The following TBC1D13 variants were observed in gnomAD, a reference collection of about 807,000 sequenced individuals.
TBC1D13 encodes the protein TBC1 domain family member 13.
TBC1D13 carries 40 observed loss-of-function variants against 53.6 expected under a neutral mutation model. That is an observed-to-expected ratio of 0.75 (90% CI 0.58 to 0.97). The LOEUF (loss-of-function observed/expected upper bound fraction) is 0.97, where lower values mean the gene tolerates loss of function less well. Ranked by LOEUF, TBC1D13 falls within the 50% of genes least tolerant of loss-of-function variation. The probability of loss-of-function intolerance (pLI) is 0.00; values close to 1 mark genes in which losing one functional copy is unlikely to be tolerated. For synonymous variants in TBC1D13, 182 were observed against 197.7 expected (o/e 0.92, Z 0.67); for missense variants, 377 against 499.4 (o/e 0.75, Z 2.34).
chr9:128,789,051 G>A (rs1471464498), intron 2 of TBC1D13, among the ~76,000 whole-genome samples: 3 of 152,148 alleles, frequency 2.0e-5, no homozygotes, highest in Admixed American at 2.0e-4. Flanking sequence ...GCCGGGTGCC[G>A]TGGCTCATGC....
intron 2 of TBC1D13, 56 bp from the exon 3 acceptor site, chr9:128,790,679 G>A: frequency 6.6e-7 from 1 of 1,512,522 alleles, no homozygotes; most frequent in Non-Finnish European, 8.8e-7. Context: ...ACGGTGAAGG[G>A]CTGGGGGTTC....
In TBC1D13 at chr9:128,808,934, G is replaced by A. The variant is rs999249947; in HGVS notation, c.*1055G>A. The stretch of plus-strand genomic sequence containing the variant: ...AGAGGGGGAGCTGGTTTTTCTGGAG[G>A]TTCCCCCAGAGGCCCTCCTGTCCGA... On this transcript the variant is annotated 3_prime_UTR_variant, in exon 12 of 12. Coordinates refer to ENST00000372648, the MANE Select transcript of TBC1D13 (RefSeq NM_018201.5). 1.3e-5 allele frequency: 2 copies of A among 152,286 alleles called. No homozygotes were observed. Among genetic ancestry groups the A allele is most frequent in the African/African-American group, 2.4e-5 (1 of 41,444 alleles). The allele number at this position is 152,286 out of a possible 1,614,324, so 9.4% of individuals were successfully genotyped here.
intron 1 of TBC1D13, among the ~76,000 whole-genome samples, chr9:128,787,861 C>G (rs934863150): frequency 3.3e-5 from 5 of 152,220 alleles, no homozygotes; most frequent in African/African-American, 1.2e-4. Context: ...ACCCTTTGTC[C>G]TTGCCTTCTG....
chr9:128,805,779 C>T, intron 9 of TBC1D13, 80 bp from the exon 10 acceptor site: 1 of 1,487,032 alleles, frequency 6.7e-7, no homozygotes, highest in Non-Finnish European at 9.1e-7. Context: ...TCTGAATTCA[C>T]TTCTGACCCA....
intron 11 of TBC1D13, 124 bp downstream of exon 11, chr9:128,806,435 A>G: frequency 9.0e-7 from 1 of 1,107,750 alleles, no homozygotes; most frequent in Non-Finnish European, 1.3e-6. Flanking sequence ...ATTAAAGTCC[A>G]GACCCCTGAG....
chr9:128,799,956 GC>G (rs1270833873), intron 7 of TBC1D13, among the ~76,000 whole-genome samples: 4 of 152,344 alleles, frequency 2.6e-5, no homozygotes, highest in Non-Finnish European at 2.9e-5. Context: ...GGGAGGCAGA[GC>G]TTGCAGTGAG....
intron 1 of TBC1D13, 115 bp from the exon 2 acceptor site, chr9:128,788,219 C>A: frequency 1.2e-6 from 1 of 858,840 alleles, no homozygotes; most frequent in East Asian, 2.4e-5. Flanking sequence ...ATTTTTATGT[C>A]CTAAAGGGGA....
At chr9:128,799,849 G>A (rs1463142895) in intron 7 of TBC1D13, among the ~76,000 whole-genome samples, 4 of 152,010 alleles carry the variant, frequency 2.6e-5, no homozygotes, top group Admixed American at 6.6e-5. Context: ...GTGAAACCCC[G>A]TCTCTACTAA....
Position 128,806,269 on chromosome 9 carries a change from G to C in TBC1D13, c.1095G>C (p.Gln365His). 1.2e-6 allele frequency: 2 copies of C among 1,614,180 alleles called. No homozygotes were observed. The highest frequency in any genetic ancestry group is 1.7e-6 in the Non-Finnish European group (2 of 1,180,038). ...CTTTTCATAGGCTGATCCGGGAGCAGTTGCTGGAAGGGGACTTCACTGTGA... is the reference window on the plus strand; with the variant it reads ...CTTTTCATAGGCTGATCCGGGAGCACTTGCTGGAAGGGGACTTCACTGTGA... ...CCAMLMLIRE[Q>H]LLEGDFTVNM... The change falls in exon 11 of 12, where the codon CAG becomes CAC. Residue 365 changes from glutamine to histidine, a missense_variant. Physicochemically the swap from Gln to His is conservative, Grantham distance 24. Transcript: ENST00000372648.
At chr9:128,799,661 G>A (rs1829696608) in intron 7 of TBC1D13, among the ~76,000 whole-genome samples, 1 of 152,164 alleles carries the variant, frequency 6.6e-6, no homozygotes, top group African/African-American at 2.4e-5. Context: ...ATGATGTTGA[G>A]AGAATATTTT....
At chr9:128,787,502 C>A in intron 1 of TBC1D13, 126 bp downstream of exon 1, 4 of 997,578 alleles carry the variant, frequency 4.0e-6, no homozygotes, top group Non-Finnish European at 5.2e-6. Context: ...GGGTCTCGAG[C>A]GTCCACCTTC....
rs115693520 is a variant in TBC1D13, at chr9:128,790,181, G to A, written c.98-554G>A. Among the ~76,000 whole-genome samples the A allele has an allele frequency of 3.9e-3, 597 of 151,280 alleles. 2 individuals carry two copies. Among genetic ancestry groups the A allele is most frequent in the African/African-American group, 0.013 (527 of 41,206 alleles). ...CTGAGGCAGAAGAATTAGTTAAACC[G>A]GGGAGGCGGAGGTTGCAGTGAGCAG... On this transcript the variant is annotated intron_variant, in intron 2 of 11. Coordinates refer to ENST00000372648, the MANE Select transcript of TBC1D13 (RefSeq NM_018201.5).
At chr9:128,795,799 C>T (rs773550119) in intron 6 of TBC1D13, among the ~76,000 whole-genome samples, 1 of 151,824 alleles carries the variant, frequency 6.6e-6, no homozygotes, top group Non-Finnish European at 1.5e-5. Flanking sequence ...CCTTTTGTTG[C>T]CCAGGCTGGT....
intron 2 of TBC1D13, among the ~76,000 whole-genome samples, chr9:128,790,345 G>C (rs1020648961): frequency 1.4e-5 from 2 of 148,102 alleles, no homozygotes; most frequent in Non-Finnish European, 3.0e-5. Context: ...AGGCCGAAGT[G>C]GGGGGATCAC....
intron 2 of TBC1D13, among the ~76,000 whole-genome samples, chr9:128,789,354 C>T (rs1829487983): frequency 6.8e-6 from 1 of 147,308 alleles, no homozygotes; most frequent in African/African-American, 2.5e-5. Context: ...TTATATTGTC[C>T]CTGTCATCCT....
rs531296416 is a variant in TBC1D13 at position 128,791,865 on chromosome 9, G to C, written c.300+172G>C. 7.2e-5 allele frequency among the ~76,000 whole-genome samples: 11 copies of C among 152,316 alleles called. No homozygotes were observed. In the East Asian group the frequency reaches 2.1e-3, roughly 29 times the overall value. On this transcript the variant is annotated intron_variant, in intron 5 of 11. Transcript: ENST00000372648. ...GGGTCACTAAGCTTGGGGGCCCTGG[G>C]CTCAGTAAGACAAACGATAGTTGGG...
chr9:128,801,616 T>A (rs1829734709), intron 7 of TBC1D13, among the ~76,000 whole-genome samples: 1 of 150,936 alleles, frequency 6.6e-6, no homozygotes, highest in African/African-American at 2.4e-5. Context: ...GAGGTGGAGG[T>A]TGCAGTGAGC....
At chr9:128,793,713 A>C (rs975832261) in intron 6 of TBC1D13, among the ~76,000 whole-genome samples, 1 of 152,180 alleles carries the variant, frequency 6.6e-6, no homozygotes, top group Non-Finnish European at 1.5e-5. Context: ...CTTTTACAAC[A>C]GCCTGCCTGG....
chr9:128,802,468 GA>G (rs1309585288), intron 7 of TBC1D13, among the ~76,000 whole-genome samples: 5 of 152,284 alleles, frequency 3.3e-5, no homozygotes, highest in African/African-American at 1.2e-4. Context: ...TCAAGATACA[GA>G]ACATGTCCAC....
Sources: gnomAD v4.1 joint callset for allele counts (sites outside exome capture counted in the v4.1 genomes callset) on GRCh38, gnomAD v4.1.1 for gene constraint, MANE v1.5 for transcripts, NCBI Gene and HGNC (gene_info 2026-07-23, HGNC 2026-07-21) for gene names.